Variants in RFX3 observed in about 807,000 individuals in gnomAD.
The protein encoded by RFX3 is regulatory factor X3.
A neutral mutation model predicts 98.6 loss-of-function variants in RFX3; 14 were observed. That is an observed-to-expected ratio of 0.14 (90% CI 0.09 to 0.22). The LOEUF is 0.22. Among genes scored for constraint, RFX3 ranks in the 10% least tolerant of loss-of-function variants. The pLI, the probability that RFX3 is intolerant of heterozygous loss-of-function variation, is 1.00. For synonymous variants in RFX3, 383 were observed against 328.4 expected, an observed-to-expected ratio of 1.17 and a Z score of -1.80; for missense variants, 639 against 926.9, an observed-to-expected ratio of 0.69 and a Z score of 4.03.
chr9:3,522,546 AGTGT>A, intron 1 of RFX3, among the ~76,000 whole-genome samples: 1 of 142,266 alleles, frequency 7.0e-6, no homozygotes, highest in African/African-American at 2.9e-5. Flanking sequence ...GTTCTGGAAA[AGTGT>A]GTGTGCGTGT....
At chr9:3,353,694 G>A (rs1219702487) in intron 2 of RFX3, among the ~76,000 whole-genome samples, 1 of 151,982 alleles carries the variant, frequency 6.6e-6, no homozygotes, top group Non-Finnish European at 1.5e-5. Context: ...CAGTGTAACT[G>A]ACTACCCAAA....
At chr9:3,239,965 C>A (rs1275263902) in intron 15 of RFX3, among the ~76,000 whole-genome samples, 2 of 152,126 alleles carry the variant, frequency 1.3e-5, no homozygotes, top group Non-Finnish European at 2.9e-5. Flanking sequence ...AAGAGACAGC[C>A]AAAAAGGGGC....
At chr9:3,491,395 A>G (rs1850706707) in intron 1 of RFX3, among the ~76,000 whole-genome samples, 1 of 152,192 alleles carries the variant, frequency 6.6e-6, no homozygotes, top group African/African-American at 2.4e-5. Context: ...TACTCTCAGT[A>G]TATTTTCTGA....
chr9:3,445,225 T>A (rs567070151), intron 1 of RFX3, among the ~76,000 whole-genome samples: 9 of 152,274 alleles, frequency 5.9e-5, no homozygotes, highest in African/African-American at 1.9e-4. Flanking sequence ...CTGTTTGTAT[T>A]TTTCATAAAG....
chr9:3,305,195 T>C (rs999900156), intron 4 of RFX3, among the ~76,000 whole-genome samples: 1 of 152,008 alleles, frequency 6.6e-6, no homozygotes, highest in Non-Finnish European at 1.5e-5. Context: ...GGGCATGAGC[T>C]ATAAATATAC....
At chr9:3,227,450 A>G (rs1817910647) in intron 16 of RFX3, among the ~76,000 whole-genome samples, 1 of 152,236 alleles carries the variant, frequency 6.6e-6, no homozygotes, top group Admixed American at 6.5e-5. Context: ...TTATGCTTCT[A>G]TAAAAACTCG....
chr9:3,229,297 A>G (rs1818177849), intron 15 of RFX3, among the ~76,000 whole-genome samples: 1 of 152,212 alleles, frequency 6.6e-6, no homozygotes, highest in African/African-American at 2.4e-5. Context: ...TCCACCTGGA[A>G]GTCTCTACAT....
intron 15 of RFX3, chr9:3,247,592 T>G: frequency 7.9e-7 from 1 of 1,264,160 alleles, no homozygotes; most frequent in Non-Finnish European, 1.0e-6. Context: ...TTATCATCAT[T>G]ACCATTTTTA....
At chr9:3,320,497 A>G (rs1831137273) in intron 4 of RFX3, among the ~76,000 whole-genome samples, 1 of 151,632 alleles carries the variant, frequency 6.6e-6, no homozygotes, top group Non-Finnish European at 1.5e-5. Flanking sequence ...GGTTGCAGTG[A>G]GCCGAGATCA....
intron 1 of RFX3, among the ~76,000 whole-genome samples, chr9:3,491,055 A>T (rs1402753269): frequency 1.3e-5 from 2 of 152,090 alleles, no homozygotes; most frequent in African/African-American, 2.4e-5. Flanking sequence ...ACCCGGCATG[A>T]TTTGGCTTTA....
intron 1 of RFX3, among the ~76,000 whole-genome samples, chr9:3,435,123 G>A (rs1262478831): frequency 6.6e-6 from 1 of 151,912 alleles, no homozygotes; most frequent in Non-Finnish European, 1.5e-5. Flanking sequence ...GAGTCAACGA[G>A]TGAGTGAAGG....
In RFX3 at chr9:3,376,770, A is replaced by G. The variant is rs566525925; in HGVS notation, c.117+18702T>C. ...AAGAAAAAAACAAACAACCCCATCA[A>G]AAAGTGGGCAAAGGACATGAACAGA... is the stretch of plus-strand genomic sequence containing the variant. On this transcript the variant is annotated intron_variant, in intron 2 of 16. Transcript: ENST00000617270. Among the ~76,000 whole-genome samples the G allele has an allele frequency of 7.9e-5, 12 of 152,320 alleles. No homozygotes were observed. In the East Asian group the frequency reaches 2.3e-3, roughly 29 times the overall value.
At chr9:3,270,611 A>G in intron 10 of RFX3, 86 bp from the exon 11 acceptor site, 1 of 1,334,170 alleles carries the variant, frequency 7.5e-7, no homozygotes, top group Non-Finnish European at 1.0e-6. Context: ...AAGTTTACCA[A>G]ATATTACTGA....
intron 3 of RFX3, among the ~76,000 whole-genome samples, chr9:3,332,587 T>C (rs1832716109): frequency 6.6e-6 from 1 of 152,222 alleles, no homozygotes; most frequent in Non-Finnish European, 1.5e-5. Flanking sequence ...GAGAATTTTC[T>C]GTAACGCAGA....
At chr9:3,225,308 T>C (rs778612763) in intron 16 of RFX3, 28 bp from the exon 17 acceptor site, 2 of 1,608,260 alleles carry the variant, frequency 1.2e-6, no homozygotes, top group South Asian at 1.1e-5. Context: ...ACCAAGACTA[T>C]CATCGAAGAC....
chr9:3,463,141 C>T (rs569941743), intron 1 of RFX3, among the ~76,000 whole-genome samples: 7 of 152,100 alleles, frequency 4.6e-5, no homozygotes, highest in African/African-American at 1.4e-4. Flanking sequence ...AACTGTAAGA[C>T]TTTGAGCTAC....
At chr9:3,491,842 C>T (rs1313652971) in intron 1 of RFX3, among the ~76,000 whole-genome samples, 1 of 152,112 alleles carries the variant, frequency 6.6e-6, no homozygotes, top group African/African-American at 2.4e-5. Flanking sequence ...TTCAATTATT[C>T]ATTTAAGAAA....
In RFX3 at chr9:3,525,903, G is replaced by A. The variant is rs575876320; in HGVS notation, c.-165C>T. Reference sequence around the variant, plus strand: ...GTGACTATGGCGCTTGATTCACAAGGCAACGGTTGCTATAACTCACAAAAG... The same window carrying A: ...GTGACTATGGCGCTTGATTCACAAGACAACGGTTGCTATAACTCACAAAAG... On this transcript the variant is annotated 5_prime_UTR_variant, in exon 1 of 17. Transcript: ENST00000617270. 3.1e-6 allele frequency: 3 copies of A among 982,822 alleles called. No individual in the cohort carries two copies. The highest frequency in any genetic ancestry group is 5.2e-4 in the Middle Eastern group (1 of 1,914). The allele number at this position is 982,822 out of a possible 1,614,324, so 60.9% of individuals were successfully genotyped here. A position where few individuals can be genotyped will look rare whatever the true frequency, so the allele number is the denominator to read the frequency against.
At chr9:3,270,738 G>A in intron 10 of RFX3, 1 of 667,474 alleles carries the variant, frequency 1.5e-6, no homozygotes, top group Non-Finnish European at 2.5e-6. Context: ...TGTATTTTCT[G>A]ACGGTATGAA....
Sources: gnomAD v4.1 joint callset for allele counts (sites outside exome capture counted in the v4.1 genomes callset) on GRCh38, gnomAD v4.1.1 for gene constraint, MANE v1.5 for transcripts, NCBI Gene and HGNC (gene_info 2026-07-23, HGNC 2026-07-21) for gene names.